The following HIP1 variants were observed in gnomAD, a reference collection of about 807,000 sequenced individuals.
The protein encoded by HIP1 is huntingtin-interacting protein 1.
Under a neutral mutation model 147.6 loss-of-function variants are expected in HIP1, and 65 were observed. The observed-to-expected ratio is 0.44, with a 90% CI of 0.36 to 0.54. The LOEUF (loss-of-function observed/expected upper bound fraction) is 0.54, where lower values mean the gene tolerates loss of function less well. Among genes scored for constraint, HIP1 ranks in the 20% least tolerant of loss-of-function variants. The pLI, the probability that HIP1 is intolerant of heterozygous loss-of-function variation, is 0.00. For missense variants in HIP1, 1,061 were observed against 1,299.6 expected (o/e 0.82, Z 2.82); for synonymous variants, 479 against 504.0 (o/e 0.95, Z 0.67).
chr7:75,553,978 C>G, intron 21 of HIP1, 135 bp downstream of exon 21: 2 of 639,932 alleles, frequency 3.1e-6, no homozygotes, highest in South Asian at 3.7e-5. Flanking sequence ...CTCCCGACCT[C>G]AAGTGATCTG....
chr7:75,695,307 C>T (rs1800599349), intron 1 of HIP1, among the ~76,000 whole-genome samples: 3 of 152,138 alleles, frequency 2.0e-5, no homozygotes, highest in Admixed American at 6.6e-5. Flanking sequence ...TCTGCAGAGA[C>T]GTATCCTCTG....
At chr7:75,734,265 T>A (rs1487964932) in intron 1 of HIP1, among the ~76,000 whole-genome samples, 3 of 147,204 alleles carry the variant, frequency 2.0e-5, no homozygotes, top group Non-Finnish European at 4.5e-5. Context: ...AATAAATAAA[T>A]AAATAAATAA....
In HIP1 at chr7:75,644,492, A is replaced by C. The variant is rs568163343; in HGVS notation, c.121-45245T>G. 3.9e-4 allele frequency among the ~76,000 whole-genome samples: 59 copies of C among 152,200 alleles called. No homozygotes were observed. In the East Asian group the frequency reaches 0.011, roughly 28 times the overall value. ...GTATTTTTAGTAGAGATGGGGCTTCACCATGTTGGCCAGGCTGGTCTTGAA... is the reference window on the plus strand; with the variant it reads ...GTATTTTTAGTAGAGATGGGGCTTCCCCATGTTGGCCAGGCTGGTCTTGAA... On this transcript the variant is annotated intron_variant, in intron 1 of 30. Coordinates refer to ENST00000336926, the MANE Select transcript of HIP1 (RefSeq NM_005338.7).
chr7:75,542,224 C>T (rs1198526576), intron 28 of HIP1, among the ~76,000 whole-genome samples: 1 of 151,900 alleles, frequency 6.6e-6, no homozygotes, highest in African/African-American at 2.4e-5. Flanking sequence ...GGTGAAACCC[C>T]GTCTTTACTA....
intron 1 of HIP1, among the ~76,000 whole-genome samples, chr7:75,619,017 A>G (rs1797756124): frequency 6.6e-6 from 1 of 152,118 alleles, no homozygotes; most frequent in Non-Finnish European, 1.5e-5. Flanking sequence ...GTGTGTAGAA[A>G]GAAAGCCTTT....
At chr7:75,596,774 A>C (rs1382186134) in intron 2 of HIP1, among the ~76,000 whole-genome samples, 1 of 152,196 alleles carries the variant, frequency 6.6e-6, no homozygotes, top group Non-Finnish European at 1.5e-5. Context: ...TGAGCCCGAG[A>C]GTTCCAGTGG....
At chr7:75,556,195 G>A (rs1554493296) in intron 17 of HIP1, 26 bp from the exon 18 acceptor site, 1 of 1,611,488 alleles carries the variant, frequency 6.2e-7, no homozygotes, top group Non-Finnish European at 8.5e-7. Context: ...CAAGGAAAGA[G>A]GGAGACGCTG....
chr7:75,608,665 C>G (rs1797317038), intron 1 of HIP1, among the ~76,000 whole-genome samples: 1 of 152,130 alleles, frequency 6.6e-6, no homozygotes, highest in South Asian at 2.1e-4. Context: ...GGCAGAAGTC[C>G]AGAGAGGCAG....
intron 1 of HIP1, among the ~76,000 whole-genome samples, chr7:75,650,171 C>T (rs755771165): frequency 1.1e-4 from 17 of 152,126 alleles, no homozygotes; most frequent in African/African-American, 2.7e-4. Flanking sequence ...AGGCAGGCTG[C>T]GGGAGGCCAG....
At chr7:75,700,012 G>A (rs1164248459) in intron 1 of HIP1, among the ~76,000 whole-genome samples, 3 of 152,060 alleles carry the variant, frequency 2.0e-5, no homozygotes, top group Non-Finnish European at 4.4e-5. Context: ...CACTACACCT[G>A]GCTAATATTT....
intron 8 of HIP1, among the ~76,000 whole-genome samples, chr7:75,571,903 CAGA>C (rs1454182229): frequency 6.6e-6 from 1 of 152,128 alleles, no homozygotes; most frequent in Non-Finnish European, 1.5e-5. Flanking sequence ...CATTTTAAAC[CAGA>C]AGGACACAAA....
intron 12 of HIP1, among the ~76,000 whole-genome samples, chr7:75,561,705 C>T (rs997867757): frequency 5.3e-5 from 8 of 152,164 alleles, no homozygotes; most frequent in Non-Finnish European, 5.9e-5. Flanking sequence ...TGTAGTGGCA[C>T]GATCATAGCT....
At chr7:75,690,996 T>C (rs1249443742) in intron 1 of HIP1, among the ~76,000 whole-genome samples, 1 of 152,158 alleles carries the variant, frequency 6.6e-6, no homozygotes, top group Non-Finnish European at 1.5e-5. Context: ...CTATTCACAG[T>C]AGTTCCAAAG....
chr7:75,541,873 T>C, intron 29 of HIP1, 46 bp downstream of exon 29: 1 of 1,351,982 alleles, frequency 7.4e-7, no homozygotes, highest in Non-Finnish European at 1.1e-6. Context: ...TCAGAGTCCA[T>C]GTCTAGGCAA....
intron 28 of HIP1, among the ~76,000 whole-genome samples, 163 bp downstream of exon 28, chr7:75,542,688 G>A (rs1469471902): frequency 1.6e-4 from 24 of 152,082 alleles, no homozygotes; most frequent in Admixed American, 1.6e-3. Flanking sequence ...GACAGAGTGA[G>A]ACCCTGTCTC....
At chr7:75,707,770 G>T (rs1339250040) in intron 1 of HIP1, among the ~76,000 whole-genome samples, 1 of 137,852 alleles carries the variant, frequency 7.3e-6, no homozygotes, top group Non-Finnish European at 1.5e-5. Context: ...CAATGGAACA[G>T]AACAGAGCCC....
chr7:75,662,742 A>C (rs1799358672), intron 1 of HIP1, among the ~76,000 whole-genome samples: 1 of 152,014 alleles, frequency 6.6e-6, no homozygotes, highest in Non-Finnish European at 1.5e-5. Context: ...CTGACCTCAA[A>C]TGATCCATCC....
At chr7:75,639,284 G>A (rs1220851090) in intron 1 of HIP1, 1 of 144,458 alleles carries the variant, frequency 6.9e-6, no homozygotes, top group Non-Finnish European at 1.5e-5. Context: ...AGGGGGAGGG[G>A]GGCGGGCGCG....
At chr7:75,735,454 T>C (rs1801986778) in intron 1 of HIP1, among the ~76,000 whole-genome samples, 2 of 152,168 alleles carry the variant, frequency 1.3e-5, no homozygotes, top group African/African-American at 4.8e-5. Context: ...CCAAACACAA[T>C]AATTAGTTAG....
Sources: gnomAD v4.1 joint callset for allele counts (sites outside exome capture counted in the v4.1 genomes callset) on GRCh38, gnomAD v4.1.1 for gene constraint, MANE v1.5 for transcripts, NCBI Gene and HGNC (gene_info 2026-07-23, HGNC 2026-07-21) for gene names.